RAD51B: variants seen among roughly 807,000 people sequenced by gnomAD.
The protein encoded by RAD51B is RAD51 paralog B.
In RAD51B, 38 loss-of-function variants were observed where a neutral mutation model predicts 42.2. The ratio of observed to expected loss-of-function variants is 0.90; its 90% CI spans 0.70 to 1.18. RAD51B has a LOEUF of 1.18. Among genes scored for constraint, RAD51B ranks in the 50% most tolerant of loss-of-function variants. RAD51B has a pLI of 0.00. For synonymous variants in RAD51B, 154 were observed against 145.2 expected, an observed-to-expected ratio of 1.06 and a Z score of -0.43; for missense variants, 373 against 400.7, an observed-to-expected ratio of 0.93 and a Z score of 0.59.
chr14:68,270,829 T>C (rs892591123), intron 7 of RAD51B, among the ~76,000 whole-genome samples: 1 of 152,224 alleles, frequency 6.6e-6, no homozygotes, highest in Non-Finnish European at 1.5e-5. Context: ...TTTATCTCCT[T>C]GCAGTATGCA....
chr14:68,596,864 C>G (rs542314039), downstream of RAD51B, among the ~76,000 whole-genome samples: 1 of 152,208 alleles, frequency 6.6e-6, no homozygotes, highest in Non-Finnish European at 1.5e-5. Context: ...GGCAACACAC[C>G]CAGAAGGTGG....
At chr14:68,679,249 T>A (rs1238351505) in intron 11 of RAD51B, among the ~76,000 whole-genome samples, 1 of 152,076 alleles carries the variant, frequency 6.6e-6, no homozygotes, top group Admixed American at 6.5e-5. Flanking sequence ...CCTCCCCATT[T>A]TGTAAGTTTA....
At chr14:68,107,312 CT>C (rs2077391304) in intron 7 of RAD51B, among the ~76,000 whole-genome samples, 1 of 151,610 alleles carries the variant, frequency 6.6e-6, no homozygotes, top group South Asian at 2.1e-4. Context: ...GATTTGCACA[CT>C]GAAAATTATA....
intron 11 of RAD51B, among the ~76,000 whole-genome samples, chr14:68,662,220 C>T (rs1165921855): frequency 2.6e-5 from 4 of 152,240 alleles, no homozygotes; most frequent in South Asian, 2.1e-4. Flanking sequence ...GGTTGATTCA[C>T]GTCGACTTTA....
chr14:67,973,677 T>C (rs898334726), intron 7 of RAD51B, among the ~76,000 whole-genome samples: 20 of 152,266 alleles, frequency 1.3e-4, no homozygotes, highest in Admixed American at 1.1e-3. Flanking sequence ...CTGTTCTGAG[T>C]AAATGCCCAC....
At chr14:68,090,256 A>G (rs2077068165) in intron 7 of RAD51B, among the ~76,000 whole-genome samples, 1 of 152,172 alleles carries the variant, frequency 6.6e-6, no homozygotes, top group African/African-American at 2.4e-5. Context: ...ACAGATTACT[A>G]TACTTATTTT....
At chr14:68,652,991 GA>G (rs1487076663) in intron 11 of RAD51B, among the ~76,000 whole-genome samples, 2 of 152,238 alleles carry the variant, frequency 1.3e-5, no homozygotes, top group Non-Finnish European at 2.9e-5. Context: ...GGTCCACTCT[GA>G]TAATAGGCTG....
In RAD51B at chr14:68,130,738, G is replaced by T. The variant is rs140907950; in HGVS notation, c.757-161146G>T. Among the ~76,000 whole-genome samples the T allele has an allele frequency of 1.1e-4, 16 of 152,274 alleles. 1 individual carries two copies. The East Asian group carries it at 3.1e-3, about 29-fold the overall frequency. On this transcript the variant is annotated intron_variant, in intron 7 of 10. Coordinates refer to ENST00000471583, the MANE Select transcript of RAD51B (RefSeq NM_133510.4). ...GAAAATAAAATTTCAAAGGTGAAATGGTGGCAACTTCACTTCCTATGGGAA... is the reference window on the plus strand; with the variant it reads ...GAAAATAAAATTTCAAAGGTGAAATTGTGGCAACTTCACTTCCTATGGGAA...
intron 7 of RAD51B, among the ~76,000 whole-genome samples, chr14:67,984,212 C>T (rs942075379): frequency 1.3e-5 from 2 of 152,108 alleles, no homozygotes; most frequent in Non-Finnish European, 2.9e-5. Context: ...GCTGGGATTA[C>T]AGGTGTGAGC....
At chr14:68,619,656 A>C (rs756927134) in intron 10 of RAD51B, among the ~76,000 whole-genome samples, 3 of 152,120 alleles carry the variant, frequency 2.0e-5, no homozygotes, top group Non-Finnish European at 4.4e-5. Flanking sequence ...GAGCAGGAGG[A>C]GTCAAAGAGT....
At chr14:67,959,605 T>C (rs1332411506) in intron 7 of RAD51B, among the ~76,000 whole-genome samples, 3 of 152,190 alleles carry the variant, frequency 2.0e-5, no homozygotes, top group African/African-American at 7.2e-5. Flanking sequence ...CGGGTATAAA[T>C]ATGCTGATCT....
chr14:68,241,569 C>G (rs757101136), intron 7 of RAD51B, among the ~76,000 whole-genome samples: 1 of 152,102 alleles, frequency 6.6e-6, no homozygotes, highest in Non-Finnish European at 1.5e-5. Context: ...AAAAAATTGT[C>G]AATCATGGTG....
At position 67,910,441 on chromosome 14, in the gene RAD51B, A is replaced by AT. The variant is rs1566953763; in HGVS notation, c.756+23237_756+23238insT. ...AAAAAAAAAAAAAAAAAAAAAAAAA[A>AT]ATATTTAAATAAAAATAATGTTTCA... On this transcript the variant is annotated intron_variant, in intron 7 of 10. Coordinates refer to ENST00000471583, the MANE Select transcript of RAD51B (RefSeq NM_133510.4). Among the ~76,000 whole-genome samples, 206 of 146,196 alleles carry AT rather than the reference A, an allele frequency of 1.4e-3. 11 individuals carry two copies. The highest frequency in any genetic ancestry group is 2.2e-3 in the Non-Finnish European group (142 of 65,646).
chr14:68,043,521 A>T (rs1313979257), intron 7 of RAD51B, among the ~76,000 whole-genome samples: 1 of 152,188 alleles, frequency 6.6e-6, no homozygotes, highest in Non-Finnish European at 1.5e-5. Context: ...GAAAAATGGA[A>T]TTCAAGCCCC....
At chr14:68,179,524 T>C (rs2079020235) in intron 7 of RAD51B, among the ~76,000 whole-genome samples, 1 of 152,186 alleles carries the variant, frequency 6.6e-6, no homozygotes, top group African/African-American at 2.4e-5. Flanking sequence ...GTAACATGAC[T>C]TGTACTTAGT....
chr14:68,650,654 C>G lies in RAD51B; in HGVS notation c.1037-127C>G. The G allele has an allele frequency of 4.9e-6, 3 of 617,760 alleles. No individual in the cohort carries two copies. The South Asian group carries it at 5.8e-5, about 12-fold the overall frequency. The allele number at this position is 617,760 out of a possible 1,614,324, so 38.3% of individuals were successfully genotyped here. ...CATACTGTTGTGTTTAAAGTAGCATCTAATTCAAAACAACTAGTTTCTCAG... is the reference window on the plus strand; with the variant it reads ...CATACTGTTGTGTTTAAAGTAGCATGTAATTCAAAACAACTAGTTTCTCAG... On this transcript the variant is annotated intron_variant, in intron 10 of 11. Transcript: ENST00000488612.
intron 10 of RAD51B, among the ~76,000 whole-genome samples, chr14:68,629,566 A>G (rs1892177312): frequency 1.3e-5 from 2 of 152,174 alleles, no homozygotes; most frequent in South Asian, 4.1e-4. Flanking sequence ...AGCATCTTGA[A>G]GGGAAATTGC....
In RAD51B at chr14:68,625,408, C is replaced by G. The variant is rs537256993; in HGVS notation, c.1037-25373C>G. Reference sequence around the variant, plus strand: ...GAAGGACCGCCTCCCAAGCTGCCCTCATCCTGCTTTTCTCCTCCCTCTCTC... The same window carrying G: ...GAAGGACCGCCTCCCAAGCTGCCCTGATCCTGCTTTTCTCCTCCCTCTCTC... On this transcript the variant is annotated intron_variant, in intron 10 of 11. Transcript: ENST00000488612. Among the ~76,000 whole-genome samples the G allele has an allele frequency of 5.9e-5, 9 of 152,342 alleles. No homozygotes were observed. In the East Asian group the frequency reaches 1.7e-3, roughly 29 times the overall value.
chr14:67,947,763 A>G (rs1161203706), intron 7 of RAD51B, among the ~76,000 whole-genome samples: 3 of 152,206 alleles, frequency 2.0e-5, no homozygotes, highest in Admixed American at 1.3e-4. Context: ...ACTTATCTTC[A>G]TCTGTCAGAA....
Sources: allele counts gnomAD v4.1 joint callset (sites outside exome capture counted in the v4.1 genomes callset), GRCh38; gene constraint gnomAD v4.1.1; transcripts MANE v1.5; gene names NCBI Gene and HGNC (gene_info 2026-07-23, HGNC 2026-07-21).